The following DLG2 variants were observed in gnomAD, a reference collection of about 807,000 sequenced individuals.
DLG2 encodes discs large MAGUK scaffold protein 2.
A neutral mutation model predicts 132.5 loss-of-function variants in DLG2; 45 were observed. The observed-to-expected ratio is 0.34, with a 90% CI of 0.27 to 0.44. The LOEUF is 0.44. DLG2 is among the 20% of genes least tolerant of loss of function. The probability of loss-of-function intolerance (pLI) is 1.00; values close to 1 mark genes in which losing one functional copy is unlikely to be tolerated. For synonymous variants in DLG2, 424 were observed against 419.6 expected (o/e 1.01, Z -0.13); for missense variants, 1,045 against 1,196.9 (o/e 0.87, Z 1.87).
intron 17 of DLG2, chr11:83,814,572 A>G (rs2048313669): frequency 5.3e-6 from 1 of 187,010 alleles, no homozygotes; most frequent in African/African-American, 2.3e-5. Context: ...TCTCTCTCAG[A>G]TACGAGGAAC....
intron 9 of DLG2, among the ~76,000 whole-genome samples, chr11:84,160,071 G>A (rs1566757086): frequency 6.6e-6 from 1 of 152,124 alleles, no homozygotes; most frequent in Non-Finnish European, 1.5e-5. Flanking sequence ...GATGCCAACT[G>A]CACAGTTAGA....
intron 4 of DLG2, among the ~76,000 whole-genome samples, chr11:85,240,771 A>G (rs1456280163): frequency 6.6e-6 from 1 of 151,848 alleles, no homozygotes; most frequent in Non-Finnish European, 1.5e-5. Context: ...AATACCAACC[A>G]GTAGCATGGT....
chr11:83,532,320 T>C (rs1474464934), intron 21 of DLG2, among the ~76,000 whole-genome samples: 1 of 152,126 alleles, frequency 6.6e-6, no homozygotes, highest in Non-Finnish European at 1.5e-5. Context: ...CTTAGCTTCA[T>C]AATGTGAAAC....
intron 7 of DLG2, among the ~76,000 whole-genome samples, chr11:84,272,833 A>G (rs1364709331): frequency 1.3e-5 from 2 of 152,176 alleles, no homozygotes; most frequent in Admixed American, 1.3e-4. Context: ...ATTGCAGTTT[A>G]TTTCAAACAT....
intron 11 of DLG2, among the ~76,000 whole-genome samples, chr11:83,981,242 T>G (rs2092749483): frequency 6.6e-6 from 1 of 152,130 alleles, no homozygotes; most frequent in Admixed American, 6.6e-5. Context: ...ATGCTTGCCT[T>G]TCATGTTTTG....
At chr11:84,486,471 T>C (rs1188851114) in intron 7 of DLG2, among the ~76,000 whole-genome samples, 1 of 152,172 alleles carries the variant, frequency 6.6e-6, no homozygotes. Context: ...TTTAGGTTCT[T>C]CCTAGTAGTA....
chr11:85,228,036 A>T (rs2075079127), intron 4 of DLG2, among the ~76,000 whole-genome samples: 1 of 152,124 alleles, frequency 6.6e-6, no homozygotes, highest in South Asian at 2.1e-4. Context: ...CTCCTCAATG[A>T]GATTTCCTAA....
At chr11:85,468,147 G>A (rs757385588) in intron 3 of DLG2, among the ~76,000 whole-genome samples, 15 of 151,992 alleles carry the variant, frequency 9.9e-5, no homozygotes, top group Non-Finnish European at 1.5e-4. Context: ...CTGTGGGATC[G>A]ATGGTGATAT....
At chr11:84,323,835 T>C (rs2098417823) in intron 7 of DLG2, among the ~76,000 whole-genome samples, 2 of 151,668 alleles carry the variant, frequency 1.3e-5, no homozygotes, top group African/African-American at 2.4e-5. Context: ...TTTTTTCATA[T>C]ACCAAATGGC....
intron 3 of DLG2, among the ~76,000 whole-genome samples, chr11:85,372,707 C>G (rs1281029582): frequency 1.3e-5 from 2 of 152,218 alleles, no homozygotes; most frequent in Non-Finnish European, 2.9e-5. Context: ...CGAATAATTC[C>G]TATTCTCTAG....
chr11:84,279,598 C>G (rs1373908848), intron 7 of DLG2, among the ~76,000 whole-genome samples: 2 of 152,108 alleles, frequency 1.3e-5, no homozygotes, highest in African/African-American at 4.8e-5. Flanking sequence ...GAAAATGTGG[C>G]ACATATACAC....
chr11:83,865,957 C>G (rs3793952), intron 16 of DLG2, among the ~76,000 whole-genome samples: 2,880 of 152,206 alleles, frequency 0.019, 67 homozygotes, highest in East Asian at 0.11. Context: ...TTGATAATGA[C>G]CTTTTCTTTG....
chr11:85,434,730 A>T (rs2091384382), intron 3 of DLG2, among the ~76,000 whole-genome samples: 1 of 152,212 alleles, frequency 6.6e-6, no homozygotes, highest in Non-Finnish European at 1.5e-5. Context: ...TTCCCAGCCA[A>T]ATTCTACCAG....
chr11:84,777,281 G>GTGTGTGTGTGTATATATATA (rs1218190517), intron 6 of DLG2, among the ~76,000 whole-genome samples: 1 of 95,036 alleles, frequency 1.1e-5, no homozygotes, highest in African/African-American at 4.1e-5. Flanking sequence ...ATGTGTGTGT[G>GTGTGTGTGTGTATATATATA]TATATATATA....
intron 19 of DLG2, among the ~76,000 whole-genome samples, chr11:83,601,287 T>C (rs2058496764): frequency 1.3e-5 from 2 of 152,184 alleles, no homozygotes; most frequent in African/African-American, 4.8e-5. Context: ...TTATTCTATA[T>C]GGGCTAGTAG....
intron 20 of DLG2, among the ~76,000 whole-genome samples, chr11:83,541,081 T>C (rs1251880014): frequency 6.6e-6 from 1 of 152,186 alleles, no homozygotes; most frequent in Non-Finnish European, 1.5e-5. Context: ...AATATCTTGG[T>C]GGCTATTGGA....
chr11:85,055,643 T>C (rs1174229105), intron 6 of DLG2, among the ~76,000 whole-genome samples: 4 of 152,102 alleles, frequency 2.6e-5, no homozygotes, highest in African/African-American at 7.2e-5. Context: ...AAGAAATGAA[T>C]CCAACACTAT....
chr11:83,633,743 AACACACACACACACACAC>A (rs35932645), intron 18 of DLG2, among the ~76,000 whole-genome samples: 2,958 of 143,284 alleles, frequency 0.021, 80 homozygotes, highest in African/African-American at 0.066. Context: ...CACAGAACTA[AACACACACACACACACAC>A]ACACACACAC....
At position 83,718,840 on chromosome 11, in the gene DLG2, C is replaced by T. The variant is rs141303511; in HGVS notation, c.1825+67850G>A. On this transcript the variant is annotated intron_variant, in intron 18 of 27. Transcript: ENST00000376104. ...AAGGAGCAACTGGGTTCTAATACAC[C>T]GTAGGGCCAGCTTGCATCTCCTAGC... 7.2e-5 allele frequency among the ~76,000 whole-genome samples: 11 copies of T among 152,230 alleles called. 2 individuals carry two copies. Among genetic ancestry groups the T allele is most frequent in the African/African-American group, 2.6e-4 (11 of 41,540 alleles).
Sources: allele counts gnomAD v4.1 joint callset (sites outside exome capture counted in the v4.1 genomes callset), GRCh38; gene constraint gnomAD v4.1.1; transcripts MANE v1.5; gene names NCBI Gene and HGNC (gene_info 2026-07-23, HGNC 2026-07-21).